Variants in CNTNAP4 observed in about 807,000 individuals in gnomAD.
The protein encoded by CNTNAP4 is contactin associated protein family member 4.
In CNTNAP4, 98 loss-of-function variants were observed where a neutral mutation model predicts 148.4. That is an observed-to-expected ratio of 0.66 (90% confidence interval 0.56 to 0.78). CNTNAP4 has a LOEUF of 0.78. Among genes scored for constraint, CNTNAP4 ranks in the 30% least tolerant of loss-of-function variants. The pLI is 0.00. For synonymous variants in CNTNAP4, 730 were observed against 565.1 expected (o/e 1.29, Z -4.14); for missense variants, 1,935 against 1,565.6 (o/e 1.24, Z -3.98).
chr16:76,516,647 C>T (rs542172724), intron 15 of CNTNAP4, among the ~76,000 whole-genome samples: 61 of 152,320 alleles, frequency 4.0e-4, no homozygotes, highest in East Asian at 1.3e-3. Context: ...CTGAAAGCTA[C>T]GTAGGTGTCC....
chr16:76,397,942 A>G (rs59581564), intron 3 of CNTNAP4, among the ~76,000 whole-genome samples: 2,539 of 5,022 alleles, frequency 0.51, 211 homozygotes, highest in East Asian at 0.62. Context: ...AATAGATTAT[A>G]TACATATATA....
In CNTNAP4 at chr16:76,452,590, A is replaced by C; in HGVS notation, c.1154A>C (p.Asp385Ala). 3 of 1,613,996 alleles carry C rather than the reference A, an allele frequency of 1.9e-6. No individual in the cohort carries two copies. Among genetic ancestry groups the C allele is most frequent in the Non-Finnish European group, 1.7e-6 (2 of 1,179,888 alleles). Residue 385 changes from aspartate to alanine, a missense_variant, in exon 8 of 24, where the codon GAC becomes GCC. By Grantham distance (126) the Asp-to-Ala change is moderately radical. Coordinates refer to ENST00000611870, the MANE Select transcript of CNTNAP4 (RefSeq NM_033401.5). ...LSSRSYLALP[D>A]FSGEEEVSAT... ...TCCAGGAGTTATTTAGCACTGCCAG[A>C]CTTCTCTGGAGAGGAGGAGGTTTCT...
intron 3 of CNTNAP4, among the ~76,000 whole-genome samples, chr16:76,371,131 A>C (rs2144627759): frequency 6.6e-6 from 1 of 152,328 alleles, no homozygotes; most frequent in Non-Finnish European, 1.5e-5. Context: ...AATATGTGTT[A>C]GAGTTCAAAA....
At chr16:76,348,940 A>G (rs898691523) in intron 2 of CNTNAP4, among the ~76,000 whole-genome samples, 1 of 152,094 alleles carries the variant, frequency 6.6e-6, no homozygotes, top group Non-Finnish European at 1.5e-5. Flanking sequence ...GTAACAGTGT[A>G]CTGATGGGAA....
intron 8 of CNTNAP4, among the ~76,000 whole-genome samples, chr16:76,457,336 C>G (rs1265123541): frequency 1.3e-5 from 2 of 152,184 alleles, no homozygotes; most frequent in African/African-American, 4.8e-5. Flanking sequence ...GGTATTAAGT[C>G]TCCTCATCAT....
chr16:76,278,091 A>G (rs1361899230), intron 1 of CNTNAP4, among the ~76,000 whole-genome samples: 1 of 152,208 alleles, frequency 6.6e-6, no homozygotes, highest in Non-Finnish European at 1.5e-5. Flanking sequence ...TTTTTAAAGA[A>G]CTACTGAATT....
At chr16:76,430,123 C>T (rs965476065) in intron 4 of CNTNAP4, among the ~76,000 whole-genome samples, 2 of 152,236 alleles carry the variant, frequency 1.3e-5, no homozygotes, top group East Asian at 1.9e-4. Context: ...TCACATTTTC[C>T]ACCTGTTCAT....
At chr16:76,311,395 C>T (rs927612838) in intron 1 of CNTNAP4, among the ~76,000 whole-genome samples, 4 of 151,948 alleles carry the variant, frequency 2.6e-5, no homozygotes, top group Non-Finnish European at 5.9e-5. Flanking sequence ...TAAATGGTGA[C>T]TTTTCTGAGA....
At chr16:76,386,598 A>G (rs1174710909) in intron 3 of CNTNAP4, among the ~76,000 whole-genome samples, 2 of 152,014 alleles carry the variant, frequency 1.3e-5, no homozygotes, top group African/African-American at 2.4e-5. Flanking sequence ...ACCTGGTGCT[A>G]GAAACATAGT....
chr16:76,393,815 G>A (rs2078108197), intron 3 of CNTNAP4, among the ~76,000 whole-genome samples: 3 of 152,168 alleles, frequency 2.0e-5, no homozygotes, highest in South Asian at 4.1e-4. Context: ...AGAGGTCCTC[G>A]ATGTCTCTTC....
Position 76,277,729 on chromosome 16 carries a change from G to C in CNTNAP4, c.67G>C (p.Val23Leu). Residue 23 changes from valine to leucine, a missense_variant, in exon 1 of 24, where the codon GTC (valine) becomes CTC (leucine). By Grantham distance (32) the Val-to-Leu change is conservative. Coordinates refer to ENST00000611870, the MANE Select transcript of CNTNAP4 (RefSeq NM_033401.5). Reference sequence around the variant, plus strand: ...GTTATCTACTCAAAATTGGAACAGAGTCGAAGCTGGGAATTCCTGTAAGTA... The same window carrying C: ...GTTATCTACTCAAAATTGGAACAGACTCGAAGCTGGGAATTCCTGTAAGTA... ...LLLSTQNWNR[V>L]EAGNSYDCDD... The C allele has an allele frequency of 6.3e-7, 1 of 1,598,886 alleles. No homozygotes were observed. The highest frequency in any genetic ancestry group is 8.5e-7 in the Non-Finnish European group (1 of 1,171,038).
At chr16:76,539,631 T>C (rs1044142859) in intron 19 of CNTNAP4, 88 bp from the exon 20 acceptor site, 24 of 1,100,856 alleles carry the variant, frequency 2.2e-5, no homozygotes, top group Non-Finnish European at 3.0e-5. Context: ...AATGAATAAA[T>C]AGCAACAAAA....
intron 1 of CNTNAP4, among the ~76,000 whole-genome samples, chr16:76,289,887 A>G (rs895960562): frequency 1.3e-5 from 2 of 151,950 alleles, no homozygotes; most frequent in Admixed American, 6.6e-5. Flanking sequence ...TCCTCTCTTA[A>G]TTGCACATAT....
chr16:76,474,703 G>A (rs935784600), intron 10 of CNTNAP4, among the ~76,000 whole-genome samples: 1 of 152,032 alleles, frequency 6.6e-6, no homozygotes, highest in Non-Finnish European at 1.5e-5. Context: ...TCTGATTAGG[G>A]CTATTTGAGT....
intron 2 of CNTNAP4, among the ~76,000 whole-genome samples, chr16:76,336,842 C>G (rs1251957255): frequency 2.0e-5 from 3 of 152,138 alleles, no homozygotes; most frequent in Non-Finnish European, 4.4e-5. Flanking sequence ...CAATGTCTAC[C>G]TTTGATCAAA....
At chr16:76,428,631 T>C (rs2079503476) in intron 4 of CNTNAP4, among the ~76,000 whole-genome samples, 1 of 152,090 alleles carries the variant, frequency 6.6e-6, no homozygotes, top group African/African-American at 2.4e-5. Context: ...GTGGGTACTC[T>C]CCTGTATTTT....
At chr16:76,299,119 A>AAT (rs1215580234) in intron 1 of CNTNAP4, among the ~76,000 whole-genome samples, 3 of 152,222 alleles carry the variant, frequency 2.0e-5, no homozygotes, top group Non-Finnish European at 4.4e-5. Context: ...CACCAAAAGC[A>AAT]ATGGCAACAA....
At chr16:76,417,052 A>G (rs1414250139) in intron 3 of CNTNAP4, among the ~76,000 whole-genome samples, 3 of 151,288 alleles carry the variant, frequency 2.0e-5, no homozygotes, top group African/African-American at 7.3e-5. Flanking sequence ...ATTAGTGTTA[A>G]CGTGTGATAT....
At chr16:76,325,880 A>C (rs1962919855) in intron 2 of CNTNAP4, among the ~76,000 whole-genome samples, 1 of 152,132 alleles carries the variant, frequency 6.6e-6, no homozygotes, top group Admixed American at 6.6e-5. Context: ...AATTTAAATG[A>C]ATTGAAAAAA....
Sources: allele counts gnomAD v4.1 joint callset (sites outside exome capture counted in the v4.1 genomes callset), GRCh38; gene constraint gnomAD v4.1.1; transcripts MANE v1.5; gene names NCBI Gene and HGNC (gene_info 2026-07-23, HGNC 2026-07-21).